XRN2: variants seen among roughly 807,000 people sequenced by gnomAD.
XRN2 encodes the protein 5'-3' exoribonuclease 2.
Under a neutral mutation model 138.5 loss-of-function variants are expected in XRN2, and 44 were observed. The observed-to-expected ratio is 0.32, with a 90% CI of 0.25 to 0.41. The LOEUF (loss-of-function observed/expected upper bound fraction) is 0.41, where lower values mean the gene tolerates loss of function less well. Ranked by LOEUF, XRN2 falls within the 10% of genes least tolerant of loss-of-function variation. The probability of loss-of-function intolerance (pLI) is 1.00; values close to 1 mark genes in which losing one functional copy is unlikely to be tolerated. For missense variants in XRN2, 937 were observed against 1,169.3 expected, an observed-to-expected ratio of 0.80 and a Z score of 2.90; for synonymous variants, 354 against 369.4, an observed-to-expected ratio of 0.96 and a Z score of 0.48.
Position 21,331,833 on chromosome 20 carries a change from T to G in XRN2, c.700+15T>G. The G allele has an allele frequency of 6.2e-7, 1 of 1,611,444 alleles. No individual in the cohort carries two copies. The highest frequency in any genetic ancestry group is 8.5e-7 in the Non-Finnish European group (1 of 1,179,308). On this transcript the variant is annotated intron_variant, in intron 8 of 29. Coordinates refer to ENST00000377191, the MANE Select transcript of XRN2 (RefSeq NM_012255.5). ...TGGAGCAGATGGTAAGTTTCTTCTT[T>G]GGGATTTGCTTCTTTTGGATTAAAC...
intron 14 of XRN2, among the ~76,000 whole-genome samples, chr20:21,339,430 G>T (rs1454250519): frequency 6.6e-6 from 1 of 152,130 alleles, no homozygotes; most frequent in Non-Finnish European, 1.5e-5. Context: ...CTCTTTGTCA[G>T]ATTAATCTTT....
intron 14 of XRN2, among the ~76,000 whole-genome samples, chr20:21,340,279 A>T (rs981110257): frequency 2.6e-5 from 4 of 152,128 alleles, no homozygotes; most frequent in African/African-American, 9.7e-5. Flanking sequence ...TGCACAACAG[A>T]GTGAGACTCT....
chr20:21,384,971 G>A (rs1315081429), intron 28 of XRN2, among the ~76,000 whole-genome samples: 1 of 152,102 alleles, frequency 6.6e-6, no homozygotes, highest in East Asian at 1.9e-4. Flanking sequence ...GTCAGAAGAA[G>A]GTAGTACATG....
At chr20:21,319,609 C>G (rs892277749) in intron 1 of XRN2, among the ~76,000 whole-genome samples, 2 of 152,060 alleles carry the variant, frequency 1.3e-5, no homozygotes, top group Non-Finnish European at 2.9e-5. Context: ...AGAGCTTACC[C>G]TATGTATCTT....
At chr20:21,321,115 A>T (rs2038036878) in intron 1 of XRN2, among the ~76,000 whole-genome samples, 1 of 152,130 alleles carries the variant, frequency 6.6e-6, no homozygotes, top group Non-Finnish European at 1.5e-5. Flanking sequence ...TCCGGGGCTC[A>T]GGTGATTCTC....
intron 1 of XRN2, among the ~76,000 whole-genome samples, chr20:21,316,564 A>G (rs1263468912): frequency 1.3e-5 from 2 of 152,150 alleles, no homozygotes; most frequent in Admixed American, 1.3e-4. Context: ...CCATTAAATG[A>G]TCTTGACACC....
chr20:21,321,155 T>TA (rs1042532711), intron 1 of XRN2, among the ~76,000 whole-genome samples: 3 of 151,992 alleles, frequency 2.0e-5, no homozygotes, highest in Non-Finnish European at 4.4e-5. Context: ...AAGCTGGGAT[T>TA]ACAGGTATGC....
intron 15 of XRN2, among the ~76,000 whole-genome samples, chr20:21,343,303 G>A (rs913455749): frequency 6.6e-6 from 1 of 151,658 alleles, no homozygotes; most frequent in African/African-American, 2.4e-5. Context: ...AATATGTTAG[G>A]GTTATATTAA....
intron 1 of XRN2, among the ~76,000 whole-genome samples, chr20:21,317,779 T>C (rs1216700312): frequency 6.6e-6 from 1 of 152,236 alleles, no homozygotes; most frequent in African/African-American, 2.4e-5. Flanking sequence ...GTCCATTTTT[T>C]TCCTGAATAT....
intron 1 of XRN2, among the ~76,000 whole-genome samples, chr20:21,310,913 T>G (rs2037871836): frequency 1.3e-5 from 2 of 151,708 alleles, no homozygotes; most frequent in African/African-American, 4.8e-5. Context: ...CCCGGCAAAT[T>G]TTTTTGTTTT....
intron 1 of XRN2, among the ~76,000 whole-genome samples, chr20:21,316,509 G>T (rs2037961136): frequency 6.6e-6 from 1 of 152,038 alleles, no homozygotes; most frequent in Admixed American, 6.6e-5. Context: ...TCTTGCATTG[G>T]CTATCTAGTT....
In XRN2 at chr20:21,389,791, T is replaced by C. The variant is rs922246883; in HGVS notation, c.*453T>C. The C allele has an allele frequency of 2.0e-5, 3 of 152,884 alleles. No homozygotes were observed. The highest frequency in any genetic ancestry group is 7.2e-5 in the African/African-American group (3 of 41,592). The allele number at this position is 152,884 out of a possible 1,614,324, so 9.5% of individuals were successfully genotyped here. A position where few individuals can be genotyped will look rare whatever the true frequency, so the allele number is the denominator to read the frequency against. On this transcript the variant is annotated 3_prime_UTR_variant, in exon 30 of 30. Transcript: ENST00000377191. The stretch of plus-strand genomic sequence containing the variant: ...TTGTCTTACAGAAATTTCTGAACTT[T>C]AGTAAAAAAAAATAAAGTTAAACTT...
At chr20:21,317,082 A>G (rs1403803443) in intron 1 of XRN2, among the ~76,000 whole-genome samples, 1 of 152,126 alleles carries the variant, frequency 6.6e-6, no homozygotes, top group Non-Finnish European at 1.5e-5. Context: ...TCTAATATCA[A>G]TACCTTTTCC....
chr20:21,339,929 G>A (rs1223583991), intron 14 of XRN2, among the ~76,000 whole-genome samples: 1 of 152,124 alleles, frequency 6.6e-6, no homozygotes, highest in Non-Finnish European at 1.5e-5. Flanking sequence ...AAACAAGAAG[G>A]GAGAAAAGTA....
intron 26 of XRN2, among the ~76,000 whole-genome samples, chr20:21,368,126 T>C (rs1217040391): frequency 1.3e-5 from 2 of 152,176 alleles, no homozygotes; most frequent in East Asian, 1.9e-4. Flanking sequence ...AGAGTAGTCA[T>C]GTATACAGTG....
intron 24 of XRN2, among the ~76,000 whole-genome samples, chr20:21,364,572 T>A (rs2038672920): frequency 6.6e-6 from 1 of 152,138 alleles, no homozygotes; most frequent in African/African-American, 2.4e-5. Context: ...TTTGGGAAGC[T>A]GAGGTGGGTG....
chr20:21,326,669 A>G (rs2038133387), intron 3 of XRN2, 68 bp downstream of exon 3: 3 of 1,223,842 alleles, frequency 2.5e-6, no homozygotes, highest in Non-Finnish European at 3.5e-6. Context: ...GTCTAGAATG[A>G]AAGTCAGCTA....
intron 1 of XRN2, among the ~76,000 whole-genome samples, chr20:21,304,946 A>G (rs890988944): frequency 2.6e-5 from 4 of 152,182 alleles, no homozygotes; most frequent in Non-Finnish European, 5.9e-5. Context: ...ATAGTTGACT[A>G]TTGACACTGT....
At chr20:21,325,663 T>G (rs2038115778) in intron 1 of XRN2, among the ~76,000 whole-genome samples, 1 of 152,178 alleles carries the variant, frequency 6.6e-6, no homozygotes, top group Non-Finnish European at 1.5e-5. Context: ...GTGAGTGGGC[T>G]TCAACAATAG....
Sources: gnomAD v4.1 joint callset for allele counts (sites outside exome capture counted in the v4.1 genomes callset) on GRCh38, gnomAD v4.1.1 for gene constraint, MANE v1.5 for transcripts, NCBI Gene and HGNC (gene_info 2026-07-23, HGNC 2026-07-21) for gene names.